CCDC191: variants seen among roughly 807,000 people sequenced by gnomAD.
CCDC191 encodes the protein coiled-coil domain-containing protein 191.
In CCDC191, 99 loss-of-function variants were observed where a neutral mutation model predicts 114.0. The ratio of observed to expected loss-of-function variants is 0.87; its 90% confidence interval spans 0.74 to 1.03. The LOEUF is 1.03. Among genes scored for constraint, CCDC191 ranks in the 50% least tolerant of loss-of-function variants. CCDC191 has a pLI of 0.00. For missense variants in CCDC191, 973 were observed against 1,087.0 expected (o/e 0.90, Z 1.47); for synonymous variants, 351 against 376.0 (o/e 0.93, Z 0.77).
rs558373020 is a variant in CCDC191, at chr3:113,970,206, T to C, written c.2607-4847A>G. ...ATTTTTGAATGTTGATTTTGTATGC[T>C]GCAACTTTACTGAATTTGTTTGTCA... On this transcript the variant is annotated intron_variant, in intron 16 of 16. Transcript: ENST00000295878. 3.9e-5 allele frequency among the ~76,000 whole-genome samples: 6 copies of C among 152,234 alleles called. No individual in the cohort carries two copies. The South Asian group carries it at 1.2e-3, about 32-fold the overall frequency.
intron 7 of CCDC191, among the ~76,000 whole-genome samples, chr3:114,019,216 C>T (rs748555697): frequency 2.0e-5 from 3 of 152,200 alleles, no homozygotes; most frequent in Non-Finnish European, 2.9e-5. Flanking sequence ...ATGACTCCCC[C>T]TGCCAGGTGT....
chr3:113,990,712 T>C (rs2075526744), intron 13 of CCDC191, among the ~76,000 whole-genome samples: 1 of 151,564 alleles, frequency 6.6e-6, no homozygotes, highest in Admixed American at 6.6e-5. Context: ...CAACTTTACA[T>C]ACTCTCTTTC....
chr3:113,976,897 T>C (rs960099662), intron 16 of CCDC191, among the ~76,000 whole-genome samples: 3 of 152,188 alleles, frequency 2.0e-5, no homozygotes, highest in Non-Finnish European at 2.9e-5. Flanking sequence ...CCCTCACTTA[T>C]TGCTTATTTG....
At chr3:113,967,605 T>A (rs913584313) in intron 16 of CCDC191, among the ~76,000 whole-genome samples, 1 of 152,230 alleles carries the variant, frequency 6.6e-6, no homozygotes, top group African/African-American at 2.4e-5. Flanking sequence ...GGGATATCCA[T>A]CACCTTAAAT....
chr3:114,055,500 T>C (rs2076759844), intron 1 of CCDC191, among the ~76,000 whole-genome samples: 1 of 152,238 alleles, frequency 6.6e-6, no homozygotes, highest in East Asian at 1.9e-4. Context: ...CTGGTAAATT[T>C]AGAATAAATC....
chr3:114,044,776 G>C (rs997801144), intron 3 of CCDC191, among the ~76,000 whole-genome samples: 1 of 152,134 alleles, frequency 6.6e-6, no homozygotes, highest in Non-Finnish European at 1.5e-5. Flanking sequence ...TTACTGTGAA[G>C]TGCCCCCCAA....
chr3:114,012,268 C>A (rs865922694), intron 8 of CCDC191, among the ~76,000 whole-genome samples: 1 of 151,350 alleles, frequency 6.6e-6, no homozygotes, highest in African/African-American at 2.4e-5. Flanking sequence ...TAATATTTAC[C>A]CTTACCACAA....
chr3:113,991,258 A>C (rs866953443), intron 13 of CCDC191, among the ~76,000 whole-genome samples: 4,290 of 113,794 alleles, frequency 0.038, 190 homozygotes, highest in African/African-American at 0.12. Flanking sequence ...AAACAAACAA[A>C]CCCCCCCCCC....
At chr3:113,974,153 G>GA (rs1325571111) in intron 16 of CCDC191, among the ~76,000 whole-genome samples, 4 of 151,780 alleles carry the variant, frequency 2.6e-5, no homozygotes, top group African/African-American at 9.7e-5. Flanking sequence ...AAATTTATCT[G>GA]AAAAATTTCT....
At chr3:113,976,655 GGTTA>G (rs752938220) in intron 16 of CCDC191, among the ~76,000 whole-genome samples, 221 of 150,936 alleles carry the variant, frequency 1.5e-3, no homozygotes, top group Non-Finnish European at 2.4e-3. Context: ...AAAAAAAAAA[GGTTA>G]GTTATTATTT....
intron 9 of CCDC191, among the ~76,000 whole-genome samples, chr3:114,010,105 A>C (rs2076043421): frequency 6.6e-6 from 1 of 152,192 alleles, no homozygotes; most frequent in African/African-American, 2.4e-5. Flanking sequence ...ATATTGTGAA[A>C]ACGTAATTTT....
intron 5 of CCDC191, 60 bp from the exon 6 acceptor site, chr3:114,035,208 G>A (rs2076466631): frequency 8.1e-7 from 1 of 1,241,798 alleles, no homozygotes; most frequent in East Asian, 2.3e-5. Flanking sequence ...GATATGAAAA[G>A]CCTTACAATA....
chr3:114,014,041 C>T (rs1055228731), intron 8 of CCDC191, among the ~76,000 whole-genome samples: 1 of 152,110 alleles, frequency 6.6e-6, no homozygotes, highest in South Asian at 2.1e-4. Flanking sequence ...TAGGACAAGA[C>T]TACTAGATAT....
chr3:114,041,537 A>C (rs1287008583), intron 4 of CCDC191, among the ~76,000 whole-genome samples: 1 of 152,138 alleles, frequency 6.6e-6, no homozygotes, highest in Admixed American at 6.5e-5. Flanking sequence ...CCAATCCCGG[A>C]AGGTGTTCAG....
At chr3:113,992,344 A>T (rs1476296824) in intron 13 of CCDC191, among the ~76,000 whole-genome samples, 1 of 152,112 alleles carries the variant, frequency 6.6e-6, no homozygotes, top group Non-Finnish European at 1.5e-5. Flanking sequence ...CTTCTTTCTT[A>T]CCTTACCCAG....
intron 7 of CCDC191, among the ~76,000 whole-genome samples, chr3:114,031,315 T>C (rs2076400602): frequency 6.6e-6 from 1 of 152,122 alleles, no homozygotes; most frequent in African/African-American, 2.4e-5. Flanking sequence ...AGAGCTACCT[T>C]AGTTTAAGGT....
At position 114,015,283 on chromosome 3, in the gene CCDC191, G is replaced by A. The variant is rs1339044119; in HGVS notation, c.1163+3395C>T. Among the ~76,000 whole-genome samples the A allele has an allele frequency of 2.0e-5, 3 of 152,234 alleles. No homozygotes were observed. The East Asian group carries it at 5.8e-4, about 29-fold the overall frequency. On this transcript the variant is annotated intron_variant, in intron 8 of 16. Coordinates refer to ENST00000295878, the MANE Select transcript of CCDC191 (RefSeq NM_020817.2). ...GGAAAGGCCCAGAGCACTGGTGCAA[G>A]AGAAGGCAGGATTAAAGACTGTGGA...
At chr3:113,978,773 CCTGGACATT>C in intron 15 of CCDC191, 76 bp downstream of exon 15, 1 of 1,421,488 alleles carries the variant, frequency 7.0e-7, no homozygotes, top group East Asian at 2.3e-5. Flanking sequence ...ACATAATGAC[CCTGGACATT>C]CTGGATTTCA....
intron 13 of CCDC191, among the ~76,000 whole-genome samples, chr3:113,994,580 CTTTT>C (rs35624147): frequency 5.4e-5 from 7 of 128,898 alleles, no homozygotes; most frequent in Admixed American, 7.9e-5. Context: ...AAACTAAATT[CTTTT>C]TTTTTTTTTT....
Sources: allele counts gnomAD v4.1 joint callset (sites outside exome capture counted in the v4.1 genomes callset), GRCh38; gene constraint gnomAD v4.1.1; transcripts MANE v1.5; gene names NCBI Gene and HGNC (gene_info 2026-07-23, HGNC 2026-07-21).